MRPS27: variants seen among roughly 807,000 people sequenced by gnomAD.
The protein encoded by MRPS27 is small ribosomal subunit protein mS27.
Under a neutral mutation model 48.9 loss-of-function variants are expected in MRPS27, and 43 were observed. The observed-to-expected ratio is 0.88, with a 90% CI of 0.69 to 1.13. MRPS27 has a LOEUF of 1.13. MRPS27 is among the 50% of genes most tolerant of loss of function. MRPS27 has a pLI of 0.00. For missense variants in MRPS27, 467 were observed against 476.3 expected, an observed-to-expected ratio of 0.98 and a Z score of 0.18; for synonymous variants, 188 against 171.9, an observed-to-expected ratio of 1.09 and a Z score of -0.73.
In MRPS27 at chr5:72,223,826, T is replaced by C. The variant is rs771325947; in HGVS notation, c.862A>G (p.Lys288Glu). ...GCCCCATCAGCTGAAGTCAGAGCCT[T>C]CAGCACTGCACCCAGCACATCGAGC... ...EALDVLGAVL[K>E]ALTSADGASE... The change falls in exon 10 of 11, where the codon AAG becomes GAG. Residue 288 changes from lysine to glutamate, a missense_variant. Coordinates refer to ENST00000261413, the MANE Select transcript of MRPS27 (RefSeq NM_015084.3). 13 of 1,613,790 alleles carry C rather than the reference T, an allele frequency of 8.1e-6. No individual in the cohort carries two copies. Among genetic ancestry groups the C allele is most frequent in the African/African-American group, 5.3e-5 (4 of 74,880 alleles).
At chr5:72,307,255 G>A (rs756069243) in intron 2 of MRPS27, among the ~76,000 whole-genome samples, 6 of 152,196 alleles carry the variant, frequency 3.9e-5, no homozygotes, top group Non-Finnish European at 7.4e-5. Flanking sequence ...GGGAGGCTGA[G>A]GCAGGAGAAT....
rs1397804123 is a variant in MRPS27 at position 72,231,178 on chromosome 5, G to A, written c.591+1265C>T. On this transcript the variant is annotated intron_variant, in intron 7 of 10. Transcript: ENST00000261413. ...ACATTCTCCAACCCTCTCACCCCAC[G>A]TCCTCCCTACCATTTTCTGTTGTAA... Among the ~76,000 whole-genome samples the A allele has an allele frequency of 3.3e-5, 5 of 151,978 alleles. No individual in the cohort carries two copies. In the South Asian group the frequency reaches 1.0e-3, roughly 32 times the overall value.
chr5:72,307,119 C>T (rs1750291109), intron 2 of MRPS27, among the ~76,000 whole-genome samples: 1 of 151,930 alleles, frequency 6.6e-6, no homozygotes, highest in South Asian at 2.1e-4. Flanking sequence ...TTGGGGAGGC[C>T]GAGGTGGGCG....
chr5:72,288,485 C>T (rs1202459675), intron 4 of MRPS27, among the ~76,000 whole-genome samples: 4 of 152,212 alleles, frequency 2.6e-5, no homozygotes, highest in East Asian at 1.9e-4. Context: ...GCTGGGATTA[C>T]AGGCGTGAGC....
chr5:72,265,675 A>G (rs1442973183), intron 4 of MRPS27, among the ~76,000 whole-genome samples: 1 of 152,214 alleles, frequency 6.6e-6, no homozygotes, highest in Non-Finnish European at 1.5e-5. Flanking sequence ...CTCAATAAAG[A>G]AAGTTTGGAC....
chr5:72,305,290 T>G (rs936586978), intron 2 of MRPS27, among the ~76,000 whole-genome samples: 3 of 151,970 alleles, frequency 2.0e-5, no homozygotes, highest in African/African-American at 7.2e-5. Context: ...GCCACAGAGA[T>G]GCAAATACAG....
intron 1 of MRPS27, among the ~76,000 whole-genome samples, chr5:72,317,775 C>A (rs1750601475): frequency 6.6e-6 from 1 of 152,162 alleles, no homozygotes. Context: ...GCAACCTTTG[C>A]CTCCAGGGTT....
chr5:72,282,652 TCTC>T (rs1749560242), intron 4 of MRPS27, among the ~76,000 whole-genome samples: 1 of 152,218 alleles, frequency 6.6e-6, no homozygotes, highest in African/African-American at 2.4e-5. Flanking sequence ...ACTTTAGCCT[TCTC>T]CTTTTAAATC....
rs1749820626 is a variant in MRPS27 at position 72,291,566 on chromosome 5, T to C, written c.281+3965A>G. ...ACAAATGTAATGTGATATGAAAAAA[T>C]CAATGATTTTTATTGGCAAGAAAGA... On this transcript the variant is annotated intron_variant, in intron 4 of 10. Transcript: ENST00000261413. Among the ~76,000 whole-genome samples the C allele has an allele frequency of 2.0e-5, 3 of 152,206 alleles. No individual in the cohort carries two copies. The South Asian group carries it at 6.2e-4, about 31-fold the overall frequency.
chr5:72,239,533 A>G (rs1481858997), intron 4 of MRPS27, among the ~76,000 whole-genome samples: 3 of 152,140 alleles, frequency 2.0e-5, no homozygotes, highest in Admixed American at 1.3e-4. Flanking sequence ...AAATATGTCA[A>G]ATTAGGTTTA....
At chr5:72,238,286 A>G (rs928136452) in intron 4 of MRPS27, among the ~76,000 whole-genome samples, 158 bp from the exon 5 acceptor site, 5 of 152,208 alleles carry the variant, frequency 3.3e-5, no homozygotes, top group Non-Finnish European at 5.9e-5. Context: ...GAAACTTATT[A>G]ACCACAAAGT....
intron 2 of MRPS27, among the ~76,000 whole-genome samples, chr5:72,313,296 T>C (rs1250745760): frequency 6.6e-6 from 1 of 152,178 alleles, no homozygotes; most frequent in Non-Finnish European, 1.5e-5. Context: ...TATTCTTAAC[T>C]GACATAAGCC....
intron 4 of MRPS27, among the ~76,000 whole-genome samples, chr5:72,242,880 C>T (rs148663949): frequency 6.6e-6 from 1 of 152,326 alleles, no homozygotes; most frequent in East Asian, 1.9e-4. Flanking sequence ...GCTGGGCAGG[C>T]CCAATGCACA....
At chr5:72,287,382 G>A (rs1749699847) in intron 4 of MRPS27, among the ~76,000 whole-genome samples, 1 of 152,224 alleles carries the variant, frequency 6.6e-6, no homozygotes, top group Non-Finnish European at 1.5e-5. Context: ...GCTCATGCCT[G>A]TAATCCCAGC....
chr5:72,303,249 T>C (rs1750169296), intron 2 of MRPS27, among the ~76,000 whole-genome samples: 1 of 152,174 alleles, frequency 6.6e-6, no homozygotes, highest in Non-Finnish European at 1.5e-5. Context: ...TCAAAACTGA[T>C]CAAATTGTAC....
Position 72,228,312 on chromosome 5 carries a change from C to T in MRPS27, c.648G>A (p.Lys216=). Residue 216 remains lysine, a synonymous_variant, in exon 8 of 11, where the codon AAG becomes AAA. Coordinates refer to ENST00000261413, the MANE Select transcript of MRPS27 (RefSeq NM_015084.3). ...ASLLLPGLKQ[K]NSVGFSSQLY... is the part of the protein sequence containing the mutation. ...ACTGGGAACTGAAACCCACTGAGTT[C>T]TTTTGTTTTAGGCCTGGAAGCAAAA... 4 of 1,613,608 alleles carry T rather than the reference C, an allele frequency of 2.5e-6. No individual in the cohort carries two copies. The highest frequency in any genetic ancestry group is 3.4e-6 in the Non-Finnish European group (4 of 1,179,716).
intron 4 of MRPS27, among the ~76,000 whole-genome samples, chr5:72,241,205 C>T (rs1454787909): frequency 1.3e-5 from 2 of 152,040 alleles, no homozygotes; most frequent in African/African-American, 4.8e-5. Flanking sequence ...GTTGTTCAGG[C>T]TGGTCTCAAA....
At chr5:72,291,414 C>A (rs1749816694) in intron 4 of MRPS27, among the ~76,000 whole-genome samples, 1 of 152,136 alleles carries the variant, frequency 6.6e-6, no homozygotes, top group African/African-American at 2.4e-5. Context: ...TATTGAAATA[C>A]AATTATCAAG....
At chr5:72,312,536 A>G (rs930615727) in intron 2 of MRPS27, among the ~76,000 whole-genome samples, 7 of 152,040 alleles carry the variant, frequency 4.6e-5, no homozygotes, top group Non-Finnish European at 1.0e-4. Flanking sequence ...TTTTGCCTGG[A>G]CATTTGTTTA....
Sources: gnomAD v4.1 joint callset for allele counts (sites outside exome capture counted in the v4.1 genomes callset) on GRCh38, gnomAD v4.1.1 for gene constraint, MANE v1.5 for transcripts, NCBI Gene and HGNC (gene_info 2026-07-23, HGNC 2026-07-21) for gene names.